DOK6: variants seen among roughly 807,000 people sequenced by gnomAD.
The protein encoded by DOK6 is docking protein 6, also known as downstream of tyrosine kinase 6.
Under a neutral mutation model 44.0 loss-of-function variants are expected in DOK6, and 22 were observed. The observed-to-expected ratio is 0.50, with a 90% confidence interval of 0.36 to 0.71. The LOEUF is 0.71. DOK6 is among the 30% of genes least tolerant of loss of function. The pLI, the probability that DOK6 is intolerant of heterozygous loss-of-function variation, is 0.00. For synonymous variants in DOK6, 166 were observed against 145.5 expected (o/e 1.14, Z -1.01); for missense variants, 340 against 416.4 (o/e 0.82, Z 1.60).
chr18:69,693,292 G>C (rs546675157), intron 4 of DOK6, among the ~76,000 whole-genome samples: 3 of 138,570 alleles, frequency 2.2e-5, no homozygotes, highest in African/African-American at 8.0e-5. Context: ...AGAATACAGT[G>C]GAAAAAAGTC....
intron 5 of DOK6, among the ~76,000 whole-genome samples, chr18:69,710,768 G>A (rs1162701808): frequency 6.6e-6 from 1 of 152,206 alleles, no homozygotes; most frequent in Non-Finnish European, 1.5e-5. Context: ...ATTCTGCCAT[G>A]AGAACAAAAA....
intron 2 of DOK6, among the ~76,000 whole-genome samples, chr18:69,587,629 C>T (rs58651397): frequency 0.018 from 2,759 of 152,182 alleles, 88 homozygotes; most frequent in African/African-American, 0.062. Context: ...TAGGTAAAGC[C>T]ATAGTAGCTG....
intron 1 of DOK6, among the ~76,000 whole-genome samples, chr18:69,456,618 C>T: frequency 6.6e-6 from 1 of 152,078 alleles, no homozygotes; most frequent in East Asian, 1.9e-4. Context: ...TATATGAATA[C>T]ATGTATCTTT....
chr18:69,681,517 C>T (rs1024197692), intron 4 of DOK6, among the ~76,000 whole-genome samples: 1 of 152,108 alleles, frequency 6.6e-6, no homozygotes, highest in Non-Finnish European at 1.5e-5. Flanking sequence ...GGGAAAGTTA[C>T]ATGAACACAA....
chr18:69,464,219 A>G (rs969846057), intron 1 of DOK6, among the ~76,000 whole-genome samples: 3 of 152,224 alleles, frequency 2.0e-5, no homozygotes, highest in African/African-American at 7.2e-5. Flanking sequence ...CATCTAATCA[A>G]TGTGAATTCC....
intron 1 of DOK6, among the ~76,000 whole-genome samples, chr18:69,538,044 A>G (rs8088597): frequency 2.6e-5 from 4 of 152,184 alleles, no homozygotes; most frequent in African/African-American, 7.2e-5. Flanking sequence ...TATGATTGTG[A>G]CATGCAAAAA....
At chr18:69,576,976 G>A (rs547979003) in intron 2 of DOK6, among the ~76,000 whole-genome samples, 2 of 152,262 alleles carry the variant, frequency 1.3e-5, no homozygotes, top group East Asian at 3.9e-4. Flanking sequence ...ACAACGTGAA[G>A]TTCCATGAAA....
intron 3 of DOK6, among the ~76,000 whole-genome samples, chr18:69,670,160 T>C (rs1985761076): frequency 6.6e-6 from 1 of 152,188 alleles, no homozygotes; most frequent in African/African-American, 2.4e-5. Flanking sequence ...CACTTTCAGA[T>C]TTGTTGGTGT....
chr18:69,469,714 G>A (rs957128653), intron 1 of DOK6: 1 of 275,024 alleles, frequency 3.6e-6, no homozygotes. Flanking sequence ...TGAACTTCGT[G>A]GCCAAGAACA....
At chr18:69,442,726 C>G (rs1599133175) in intron 1 of DOK6, among the ~76,000 whole-genome samples, 1 of 145,442 alleles carries the variant, frequency 6.9e-6, no homozygotes. Flanking sequence ...ACACATGTTG[C>G]TTATTGTCTT....
chr18:69,532,371 C>T (rs9952421), intron 1 of DOK6, among the ~76,000 whole-genome samples: 1,874 of 152,004 alleles, frequency 0.012, 31 homozygotes, highest in African/African-American at 0.042. Flanking sequence ...ATTCTGCATG[C>T]AATAATATCT....
At chr18:69,528,697 T>C (rs1981902836) in intron 1 of DOK6, among the ~76,000 whole-genome samples, 1 of 152,236 alleles carries the variant, frequency 6.6e-6, no homozygotes, top group Non-Finnish European at 1.5e-5. Flanking sequence ...GTATCCATCA[T>C]CCATGACGTA....
In DOK6 at chr18:69,746,107, A is replaced by G. The variant is rs572549890; in HGVS notation, c.738+7004A>G. 5.5e-5 allele frequency among the ~76,000 whole-genome samples: 8 copies of G among 146,754 alleles called. No homozygotes were observed. In the South Asian group the frequency reaches 1.7e-3, roughly 31 times the overall value. On this transcript the variant is annotated intron_variant, in intron 6 of 7. Transcript: ENST00000382713. ...ATAGATAAACAGAAATAGAGATAAT[A>G]GAGAGATTAAGAATATACATGTTGT...
intron 7 of DOK6, among the ~76,000 whole-genome samples, chr18:69,768,706 C>T (rs1979793259): frequency 6.6e-6 from 1 of 151,036 alleles, no homozygotes; most frequent in Non-Finnish European, 1.5e-5. Context: ...TAAAATTACA[C>T]TTGCCAGAGA....
chr18:69,739,191 G>A, intron 6 of DOK6, 88 bp downstream of exon 6: 1 of 1,549,830 alleles, frequency 6.5e-7, no homozygotes, highest in African/African-American at 1.4e-5. Flanking sequence ...GGCCATTCAT[G>A]TCAGCGCCTG....
chr18:69,754,089 T>C lies in DOK6; in HGVS notation c.739-3667T>C, dbSNP rs187713610. Among the ~76,000 whole-genome samples, 302 of 152,316 alleles carry C rather than the reference T, an allele frequency of 2.0e-3. 1 individual carries two copies. The highest frequency in any genetic ancestry group is 3.5e-3 in the Non-Finnish European group (238 of 68,024). On this transcript the variant is annotated intron_variant, in intron 6 of 7. Coordinates refer to ENST00000382713, the MANE Select transcript of DOK6 (RefSeq NM_152721.6). ...TGCTTTTTCAATGAAGGCATTACTA[T>C]AGCATTTTAAGTTTTGTTTTTTCTT...
At chr18:69,491,116 A>G (rs1276772296) in intron 1 of DOK6, among the ~76,000 whole-genome samples, 1 of 152,228 alleles carries the variant, frequency 6.6e-6, no homozygotes, top group Non-Finnish European at 1.5e-5. Context: ...AGTAAGTGTT[A>G]TCTACATTAT....
At chr18:69,815,147 T>C (rs1981360995) in intron 7 of DOK6, among the ~76,000 whole-genome samples, 2 of 151,670 alleles carry the variant, frequency 1.3e-5, no homozygotes, top group Non-Finnish European at 2.9e-5. Context: ...AAGGCAAGGG[T>C]TAATGGGAAA....
At chr18:69,613,156 C>T (rs911266571) in intron 3 of DOK6, among the ~76,000 whole-genome samples, 15 of 152,196 alleles carry the variant, frequency 9.9e-5, no homozygotes, top group Admixed American at 2.0e-4. Flanking sequence ...CAGGCGGGAG[C>T]CACCGTGGCT....
Sources: gnomAD v4.1 joint callset for allele counts (sites outside exome capture counted in the v4.1 genomes callset) on GRCh38, gnomAD v4.1.1 for gene constraint, MANE v1.5 for transcripts, NCBI Gene and HGNC (gene_info 2026-07-23, HGNC 2026-07-21) for gene names.